PLXNA4: variants seen among roughly 807,000 people sequenced by gnomAD.
The protein encoded by PLXNA4 is plexin-A4.
Under a neutral mutation model 191.8 loss-of-function variants are expected in PLXNA4, and 44 were observed. The ratio of observed to expected loss-of-function variants is 0.23; its 90% CI spans 0.18 to 0.29. The LOEUF (loss-of-function observed/expected upper bound fraction) is 0.29, where lower values mean the gene tolerates loss of function less well. Ranked by LOEUF, PLXNA4 falls within the 10% of genes least tolerant of loss-of-function variation. The probability of loss-of-function intolerance (pLI) is 1.00; values close to 1 mark genes in which losing one functional copy is unlikely to be tolerated. For synonymous variants in PLXNA4, 1,082 were observed against 1,009.5 expected (o/e 1.07, Z -1.36); for missense variants, 1,800 against 2,488.8 (o/e 0.72, Z 5.89).
chr7:132,552,487 C>A (rs1325141932), intron 1 of PLXNA4, among the ~76,000 whole-genome samples: 1 of 152,192 alleles, frequency 6.6e-6, no homozygotes, highest in Non-Finnish European at 1.5e-5. Flanking sequence ...GGCCTGGATT[C>A]TCTACAGGCA....
intron 2 of PLXNA4, among the ~76,000 whole-genome samples, chr7:132,633,648 A>G (rs1803537119): frequency 6.6e-6 from 1 of 152,128 alleles, no homozygotes; most frequent in South Asian, 2.1e-4. Flanking sequence ...ATATTCAGGC[A>G]CTGAATAGTT....
chr7:132,517,427 C>T (rs1168375772), intron 1 of PLXNA4, among the ~76,000 whole-genome samples: 4 of 152,202 alleles, frequency 2.6e-5, no homozygotes, highest in African/African-American at 9.7e-5. Flanking sequence ...ATGAAAGATT[C>T]GTGCACCCAC....
At chr7:132,587,862 T>C (rs1802530794) in intron 2 of PLXNA4, among the ~76,000 whole-genome samples, 1 of 151,958 alleles carries the variant, frequency 6.6e-6, no homozygotes, top group South Asian at 2.1e-4. Context: ...GTTCCATTTG[T>C]CTACTAGATA....
In PLXNA4 at chr7:132,126,939, T is replaced by C. The variant is rs1794784090; in HGVS notation, c.*3540A>G. ...TGGCATGATGGCCACCTTCACTTAG[T>C]GGCACTATTTGCAGCTACCAAGAAA... On this transcript the variant is annotated 3_prime_UTR_variant, in exon 32 of 32. Transcript: ENST00000321063. 6.6e-6 allele frequency: 1 copy of C among 152,180 alleles called. No individual in the cohort carries two copies. Among genetic ancestry groups the C allele is most frequent in the Admixed American group, 6.5e-5 (1 of 15,288 alleles). 9.4% of individuals were successfully genotyped at this position (152,180 alleles called of 1,614,324 possible).
intron 14 of PLXNA4, among the ~76,000 whole-genome samples, chr7:132,191,522 G>A (rs1453037649): frequency 6.6e-6 from 1 of 152,162 alleles, no homozygotes; most frequent in Non-Finnish European, 1.5e-5. Context: ...AGGCAGCTAA[G>A]GTTCAAAAGA....
intron 27 of PLXNA4, among the ~76,000 whole-genome samples, chr7:132,147,642 C>T (rs2116573545): frequency 6.6e-6 from 1 of 152,330 alleles, no homozygotes; most frequent in Non-Finnish European, 1.5e-5. Flanking sequence ...GAGATAATAG[C>T]TATCACACAG....
intron 3 of PLXNA4, among the ~76,000 whole-genome samples, chr7:132,298,915 C>T (rs1484521290): frequency 6.6e-6 from 1 of 152,236 alleles, no homozygotes; most frequent in African/African-American, 2.4e-5. Context: ...CCCCGGCCAT[C>T]CATAAGTCCT....
In PLXNA4 at chr7:132,136,329, G is replaced by T. The variant is rs573619836; in HGVS notation, c.5439-3130C>A. 4.1e-4 allele frequency among the ~76,000 whole-genome samples: 63 copies of T among 152,330 alleles called. 2 individuals carry two copies. The South Asian group carries it at 9.1e-3, about 22-fold the overall frequency. ...ATCTGCTGGCTGTGCATTGAGGAAGGGAAAGGGGAACCTGGGCCCCTGTGC... is the reference window on the plus strand; with the variant it reads ...ATCTGCTGGCTGTGCATTGAGGAAGTGAAAGGGGAACCTGGGCCCCTGTGC... On this transcript the variant is annotated intron_variant, in intron 30 of 31. Coordinates refer to ENST00000321063, the MANE Select transcript of PLXNA4 (RefSeq NM_020911.2).
At chr7:132,534,438 C>T (rs1799750255) in intron 1 of PLXNA4, among the ~76,000 whole-genome samples, 1 of 152,310 alleles carries the variant, frequency 6.6e-6, no homozygotes, top group East Asian at 1.9e-4. Context: ...CACCCCAGCC[C>T]TCCCTACCCT....
intron 3 of PLXNA4, among the ~76,000 whole-genome samples, chr7:132,303,382 A>G (rs992137557): frequency 6.6e-6 from 1 of 151,304 alleles, no homozygotes; most frequent in Non-Finnish European, 1.5e-5. Context: ...TATCCTGGCC[A>G]ATATGGTGAA....
intron 3 of PLXNA4, among the ~76,000 whole-genome samples, chr7:132,333,847 G>A (rs893524416): frequency 6.6e-6 from 1 of 152,176 alleles, no homozygotes; most frequent in African/African-American, 2.4e-5. Flanking sequence ...ACGCTTTTGA[G>A]CGGGAGGGAC....
At chr7:132,436,838 G>A (rs561828858) in intron 3 of PLXNA4, among the ~76,000 whole-genome samples, 18 of 148,196 alleles carry the variant, frequency 1.2e-4, no homozygotes, top group Non-Finnish European at 2.1e-4. Context: ...GCTGGGATGC[G>A]GTCCCTGTTG....
chr7:132,145,915 CAAAAAA>C (rs397778925), intron 28 of PLXNA4, among the ~76,000 whole-genome samples: 13 of 92,372 alleles, frequency 1.4e-4, no homozygotes, highest in African/African-American at 3.5e-4. Flanking sequence ...ACTAAAAATA[CAAAAAA>C]AAAAAAAAAA....
At chr7:132,426,664 C>T (rs761645844) in intron 3 of PLXNA4, among the ~76,000 whole-genome samples, 6 of 152,118 alleles carry the variant, frequency 3.9e-5, no homozygotes, top group Non-Finnish European at 7.4e-5. Flanking sequence ...GGAGAAATTA[C>T]AGACAGTTTC....
At chr7:132,159,268 T>C (rs1235449030) in intron 25 of PLXNA4, among the ~76,000 whole-genome samples, 5 of 152,084 alleles carry the variant, frequency 3.3e-5, no homozygotes, top group Non-Finnish European at 7.4e-5. Context: ...CTGCAAACTG[T>C]TCACTGACCA....
rs918108954 is a variant in PLXNA4 at position 132,383,758 on chromosome 7, T to C, written c.1372-85536A>G. ...TTATTACCCTTGAAACAAATTAGAA[T>C]TGATTCTTTAAAAAATTGTCACCAG... On this transcript the variant is annotated intron_variant, in intron 3 of 31. Transcript: ENST00000321063. The C allele has an allele frequency of 1.9e-5, 19 of 984,760 alleles. No homozygotes were observed. In the African/African-American group the frequency reaches 3.0e-4, roughly 15 times the overall value. The allele number at this position is 984,760 out of a possible 1,614,324, so 61.0% of individuals were successfully genotyped here. A position where few individuals can be genotyped will look rare whatever the true frequency, so the allele number is the denominator to read the frequency against.
At chr7:132,195,788 A>G (rs888048082) in intron 13 of PLXNA4, among the ~76,000 whole-genome samples, 32 of 152,082 alleles carry the variant, frequency 2.1e-4, no homozygotes, top group Admixed American at 3.9e-4. Flanking sequence ...AGGAGTATTA[A>G]TTTTGTCTGT....
chr7:132,483,082 GC>G (rs777729291), intron 3 of PLXNA4, among the ~76,000 whole-genome samples: 1 of 152,140 alleles, frequency 6.6e-6, no homozygotes, highest in Non-Finnish European at 1.5e-5. Context: ...CAATAAGCAA[GC>G]CCAGTGGACA....
Position 132,332,155 on chromosome 7 carries a change from T to C in PLXNA4, c.1372-33933A>G, listed in dbSNP as rs7788099. Reference sequence around the variant, plus strand: ...CCTCTTTCCTCTGCCTTCTTGTACCTGTGAAGGGAGTGGAAGGAACCCATG... The same window carrying C: ...CCTCTTTCCTCTGCCTTCTTGTACCCGTGAAGGGAGTGGAAGGAACCCATG... On this transcript the variant is annotated intron_variant, in intron 3 of 31. Transcript: ENST00000321063. Among the ~76,000 whole-genome samples the C allele has an allele frequency of 1.3e-3, 202 of 152,340 alleles. 1 individual carries two copies. The highest frequency in any genetic ancestry group is 4.8e-3 in the African/African-American group (199 of 41,576).
Sources: allele counts gnomAD v4.1 joint callset (sites outside exome capture counted in the v4.1 genomes callset), GRCh38; gene constraint gnomAD v4.1.1; transcripts MANE v1.5; gene names NCBI Gene and HGNC (gene_info 2026-07-23, HGNC 2026-07-21).